The following DAB1 variants were observed in gnomAD, a reference collection of about 807,000 sequenced individuals.
DAB1 encodes the protein DAB adaptor protein 1, also known as disabled homolog 1.
Under a neutral mutation model 64.6 loss-of-function variants are expected in DAB1, and 15 were observed. The ratio of observed to expected loss-of-function variants is 0.23; its 90% confidence interval spans 0.16 to 0.36. The LOEUF is 0.36. Among genes scored for constraint, DAB1 ranks in the 10% least tolerant of loss-of-function variants. The pLI is 1.00. For synonymous variants in DAB1, 235 were observed against 251.9 expected, an observed-to-expected ratio of 0.93 and a Z score of 0.64; for missense variants, 596 against 706.7, an observed-to-expected ratio of 0.84 and a Z score of 1.78.
At chr1:57,503,567 C>T (rs1018994586) in intron 7 of DAB1, among the ~76,000 whole-genome samples, 1 of 152,240 alleles carries the variant, frequency 6.6e-6, no homozygotes, top group African/African-American at 2.4e-5. Context: ...AGCTATCCAG[C>T]AGAATAGACA....
rs370378457 is a variant in DAB1 at position 58,461,488 on chromosome 1, G to A, written n.257+44572C>T. ...ACACAGAAGAGATGAAGGCTTTGGCGGGCCAGTGCTACTCAGGGATGGCCC... is the reference window on the plus strand; with the variant it reads ...ACACAGAAGAGATGAAGGCTTTGGCAGGCCAGTGCTACTCAGGGATGGCCC... On this transcript the variant is annotated intron_variant and non_coding_transcript_variant, in intron 3 of 20. Coordinates refer to the DAB1 transcript ENST00000485760. Among the ~76,000 whole-genome samples, 36 of 152,198 alleles carry A rather than the reference G, an allele frequency of 2.4e-4. 1 individual carries two copies. The highest frequency in any genetic ancestry group is 1.6e-3 in the Admixed American group (24 of 15,270).
chr1:57,186,301 A>C (rs972238633), intron 2 of DAB1, among the ~76,000 whole-genome samples: 1 of 152,038 alleles, frequency 6.6e-6, no homozygotes, highest in Non-Finnish European at 1.5e-5. Context: ...ACTCACAAAA[A>C]CCCACATGTT....
intron 2 of DAB1, among the ~76,000 whole-genome samples, chr1:57,149,084 A>G (rs1364711886): frequency 6.6e-6 from 1 of 152,168 alleles, no homozygotes; most frequent in Non-Finnish European, 1.5e-5. Flanking sequence ...ACATTTATAT[A>G]ATTGTTATTT....
chr1:57,707,091 AC>A (rs1159820665), intron 6 of DAB1, among the ~76,000 whole-genome samples: 1 of 151,914 alleles, frequency 6.6e-6, no homozygotes, highest in Non-Finnish European at 1.5e-5. Context: ...AAACAAACAA[AC>A]AAAAAAACCC....
At chr1:57,236,632 T>C (rs1477162442) in intron 2 of DAB1, among the ~76,000 whole-genome samples, 2 of 152,242 alleles carry the variant, frequency 1.3e-5, no homozygotes, top group Admixed American at 6.5e-5. Context: ...TTTTACGTCA[T>C]GCTACAGAGC....
chr1:57,150,548 G>A (rs188787874), intron 2 of DAB1, among the ~76,000 whole-genome samples: 205 of 152,198 alleles, frequency 1.3e-3, no homozygotes, highest in African/African-American at 4.5e-3. Context: ...TTCAAAAGGC[G>A]TCATATACAA....
chr1:57,432,735 T>C (rs745495269), intron 7 of DAB1, among the ~76,000 whole-genome samples: 3 of 152,204 alleles, frequency 2.0e-5, no homozygotes, highest in Non-Finnish European at 4.4e-5. Context: ...ATTCAAGTTG[T>C]TGGATTTCTT....
At chr1:57,096,376 A>T (rs1028303748) in intron 4 of DAB1, among the ~76,000 whole-genome samples, 2 of 152,216 alleles carry the variant, frequency 1.3e-5, no homozygotes, top group African/African-American at 4.8e-5. Flanking sequence ...CCAATAATAG[A>T]TATCTCCACC....
chr1:58,129,286 G>T (rs1191027478), intron 5 of DAB1, among the ~76,000 whole-genome samples: 2 of 151,352 alleles, frequency 1.3e-5, no homozygotes. Context: ...TTGTATTTCT[G>T]TGGGATCGGT....
At chr1:57,433,739 C>T (rs941135325) in intron 7 of DAB1, among the ~76,000 whole-genome samples, 4 of 150,592 alleles carry the variant, frequency 2.7e-5, no homozygotes, top group African/African-American at 2.4e-5. Context: ...GGAAAATATT[C>T]ACAACACATA....
intron 1 of DAB1, among the ~76,000 whole-genome samples, chr1:57,352,412 ATGTT>A (rs1435104439): frequency 1.3e-5 from 2 of 152,168 alleles, no homozygotes; most frequent in African/African-American, 4.8e-5. Flanking sequence ...TACCCAAAAT[ATGTT>A]TTTTAAATGT....
chr1:57,552,707 C>T (rs545258009), intron 7 of DAB1, among the ~76,000 whole-genome samples: 2 of 152,196 alleles, frequency 1.3e-5, no homozygotes, highest in East Asian at 3.9e-4. Flanking sequence ...AGGGTTGAGG[C>T]TGGACAGTTA....
chr1:57,363,516 T>C (rs761474641), intron 1 of DAB1, among the ~76,000 whole-genome samples: 1 of 152,194 alleles, frequency 6.6e-6, no homozygotes, highest in Non-Finnish European at 1.5e-5. Flanking sequence ...AATTTCCTCA[T>C]TGTAAAATGG....
At chr1:57,606,616 A>G (rs1645650846) in intron 7 of DAB1, among the ~76,000 whole-genome samples, 1 of 120,882 alleles carries the variant, frequency 8.3e-6, no homozygotes, top group Admixed American at 1.1e-4. Context: ...TATGAAATAT[A>G]TAATATATGA....
intron 4 of DAB1, among the ~76,000 whole-genome samples, chr1:57,133,964 T>C (rs1657852961): frequency 6.6e-6 from 1 of 152,176 alleles, no homozygotes; most frequent in African/African-American, 2.4e-5. Context: ...ATTTTTCAAA[T>C]AAAAAGCATC....
At chr1:57,147,558 A>G (rs1035434832) in intron 2 of DAB1, among the ~76,000 whole-genome samples, 7 of 152,200 alleles carry the variant, frequency 4.6e-5, no homozygotes, top group African/African-American at 1.7e-4. Flanking sequence ...ATAATACTTA[A>G]GCCTCAGCAT....
At chr1:57,878,306 C>T (rs1644086176) in intron 1 of DAB1, 1 of 152,040 alleles carries the variant, frequency 6.6e-6, no homozygotes, top group East Asian at 1.9e-4. Context: ...GGATCGAATA[C>T]CATAAGAGGA....
chr1:57,813,548 C>T (rs2101887451), intron 6 of DAB1, among the ~76,000 whole-genome samples: 1 of 152,338 alleles, frequency 6.6e-6, no homozygotes, highest in Admixed American at 6.5e-5. Context: ...TAAGTGCTTT[C>T]ATTGCGCTAA....
intron 1 of DAB1, among the ~76,000 whole-genome samples, chr1:57,420,722 T>C (rs1684827910): frequency 6.6e-6 from 1 of 152,204 alleles, no homozygotes; most frequent in African/African-American, 2.4e-5. Context: ...TCCATAAAAT[T>C]GCTCCAAGAC....
Sources: gnomAD v4.1 joint callset for allele counts (sites outside exome capture counted in the v4.1 genomes callset) on GRCh38, gnomAD v4.1.1 for gene constraint, MANE v1.5 for transcripts, NCBI Gene and HGNC (gene_info 2026-07-23, HGNC 2026-07-21) for gene names.